ZNF41: variants seen among roughly 807,000 people sequenced by gnomAD.
The protein encoded by ZNF41 is zinc finger protein 41.
In ZNF41, 6 loss-of-function variants were observed where a neutral mutation model predicts 9.3. The observed-to-expected ratio is 0.65, with a 90% CI of 0.35 to 1.28. ZNF41 has a LOEUF of 1.28. Among genes scored for constraint, ZNF41 ranks in the 50% most tolerant of loss-of-function variants. ZNF41 has a pLI of 0.03. For missense variants in ZNF41, 523 were observed against 585.8 expected, an observed-to-expected ratio of 0.89 and a Z score of 1.11; for synonymous variants, 192 against 207.1, an observed-to-expected ratio of 0.93 and a Z score of 0.63.
At chrX:47,459,395 C>T (rs755086279) in intron 2 of ZNF41, among the ~76,000 whole-genome samples, 1 of 109,325 alleles carries the variant, frequency 9.1e-6, no homozygotes, top group African/African-American at 3.3e-5. Context: ...TATACAGTCA[C>T]CTGATTTATG....
At chrX:47,452,779 A>G (rs747657373) in intron 4 of ZNF41, among the ~76,000 whole-genome samples, 1 of 111,579 alleles carries the variant, frequency 9.0e-6, no homozygotes, top group Non-Finnish European at 1.9e-5. Flanking sequence ...TTTAGTAGAG[A>G]CGGGGTTTCA....
intron 4 of ZNF41, among the ~76,000 whole-genome samples, chrX:47,454,334 G>A (rs1295229601): frequency 9.1e-6 from 1 of 110,112 alleles, no homozygotes; most frequent in East Asian, 2.8e-4. Flanking sequence ...CCCTACTGTT[G>A]CATCACGAGG....
intron 1 of ZNF41, among the ~76,000 whole-genome samples, chrX:47,475,007 C>T (rs1290740789): frequency 2.8e-5 from 3 of 106,187 alleles, no homozygotes; most frequent in Non-Finnish European, 5.8e-5. Flanking sequence ...GGTGAAATCC[C>T]GTCTCTACTA....
intron 2 of ZNF41, among the ~76,000 whole-genome samples, chrX:47,464,313 A>T (rs1013442727): frequency 9.1e-6 from 1 of 110,128 alleles, no homozygotes; most frequent in African/African-American, 3.3e-5. Flanking sequence ...GCTATTCTTC[A>T]TCTCTAGTAA....
At chrX:47,478,755 G>A (rs1406961998) in intron 1 of ZNF41, among the ~76,000 whole-genome samples, 1 of 109,665 alleles carries the variant, frequency 9.1e-6, no homozygotes, top group African/African-American at 3.3e-5. Flanking sequence ...AGACCAGCCT[G>A]GCCAATGTCT....
At chrX:47,458,154 C>T (rs1486549560) in intron 2 of ZNF41, among the ~76,000 whole-genome samples, 2 of 111,521 alleles carry the variant, frequency 1.8e-5, no homozygotes, top group East Asian at 2.8e-4. Context: ...ACAGATGAGA[C>T]GAACCAGGAA....
intron 2 of ZNF41, among the ~76,000 whole-genome samples, chrX:47,457,727 C>T (rs2056622941): frequency 8.9e-6 from 1 of 111,981 alleles, no homozygotes; most frequent in Non-Finnish European, 1.9e-5. Flanking sequence ...ATCCCAGCTA[C>T]TCGGGAAGCT....
chrX:47,448,716 G>T lies in ZNF41; in HGVS notation c.1054C>A (p.Gln352Lys). ...CATTCACTGCATTTGTAGGGTTTCT[G>T]CCCGGTATGAATTTTTTGATGTGTA... ...LITHQKIHTG[Q>K]KPYKCSECGK... is the part of the protein sequence containing the mutation. Residue 352 changes from glutamine (Q) to lysine (K), a missense_variant, in exon 5 of 5, where the codon CAG (glutamine) becomes AAG (lysine). By Grantham distance (53) the Gln-to-Lys change is moderately conservative (BLOSUM62 1). Transcript: ENST00000684689. 1 of 1,211,563 alleles carries T rather than the reference G, an allele frequency of 8.3e-7. No individual in the cohort carries two copies. The highest frequency in any genetic ancestry group is 1.1e-6 in the Non-Finnish European group (1 of 895,500).
At chrX:47,455,482 G>A (rs754906757) in intron 4 of ZNF41, among the ~76,000 whole-genome samples, 1 of 109,743 alleles carries the variant, frequency 9.1e-6, no homozygotes, top group Non-Finnish European at 1.9e-5. Flanking sequence ...CTACTTGGGA[G>A]GCTGAGGTGG....
Position 47,449,012 on chromosome X carries a change from C to G in ZNF41, c.758G>C (p.Ser253Thr). 1 of 1,211,587 alleles carries G rather than the reference C, an allele frequency of 8.3e-7. No homozygotes were observed. Among genetic ancestry groups the G allele is most frequent in the Non-Finnish European group, 1.1e-6 (1 of 895,539 alleles). Residue 253 changes from serine (S) to threonine (T), a missense_variant, in exon 5 of 5, where the codon AGC becomes ACC. By Grantham distance (58) the Ser-to-Thr change is moderately conservative. Transcript: ENST00000684689. ...CEHDHYEKHL[S>T]HKQAPTHHQK... Reference sequence around the variant, plus strand: ...ATGGTGGGTGGGAGCTTGTTTGTGGCTGAGATGTTTTTCATAGTGGTCATG... The same window carrying G: ...ATGGTGGGTGGGAGCTTGTTTGTGGGTGAGATGTTTTTCATAGTGGTCATG...
At chrX:47,459,195 C>T (rs2056684523) in intron 2 of ZNF41, among the ~76,000 whole-genome samples, 1 of 106,084 alleles carries the variant, frequency 9.4e-6, no homozygotes. Flanking sequence ...TCTAGAAATA[C>T]AGAAATTACA....
At chrX:47,450,741 C>G (rs1187182590) in intron 4 of ZNF41, among the ~76,000 whole-genome samples, 2 of 111,546 alleles carry the variant, frequency 1.8e-5, no homozygotes, top group Non-Finnish European at 3.8e-5. Flanking sequence ...AGCCTTAAGA[C>G]AGTGGGCAAA....
At chrX:47,463,739 T>G (rs1013390357) in intron 2 of ZNF41, among the ~76,000 whole-genome samples, 3 of 111,452 alleles carry the variant, frequency 2.7e-5, no homozygotes, top group Non-Finnish European at 5.7e-5. Context: ...TTGCTCCAGG[T>G]GTTCCACAGT....
intron 2 of ZNF41, among the ~76,000 whole-genome samples, chrX:47,465,338 T>C (rs1179559076): frequency 8.9e-6 from 1 of 112,000 alleles, no homozygotes; most frequent in Non-Finnish European, 1.9e-5. Context: ...AGGGAATAAG[T>C]TTTTGAGATC....
At chrX:47,478,182 G>C (rs1448256054) in intron 1 of ZNF41, among the ~76,000 whole-genome samples, 2 of 112,149 alleles carry the variant, frequency 1.8e-5, no homozygotes, top group Non-Finnish European at 3.8e-5. Context: ...TGCACCTATA[G>C]TTAACAGTAC....
At chrX:47,457,656 T>A (rs2056619966) in intron 2 of ZNF41, among the ~76,000 whole-genome samples, 2 of 111,529 alleles carry the variant, frequency 1.8e-5, no homozygotes, top group Admixed American at 1.9e-4. Context: ...CTGGCCAACA[T>A]GGCAAAAACC....
At chrX:47,466,771 G>A (rs752316594) in intron 2 of ZNF41, among the ~76,000 whole-genome samples, 26 of 110,755 alleles carry the variant, frequency 2.3e-4, no homozygotes, top group African/African-American at 2.9e-4. Flanking sequence ...CACCCACCTC[G>A]GCCTCCCAAA....
At chrX:47,468,961 C>G (rs5953045) in intron 1 of ZNF41, among the ~76,000 whole-genome samples, 47,023 of 110,214 alleles carry the variant, frequency 0.43, 8,190 homozygotes, top group African/African-American at 0.67. Context: ...GAAGGACTGA[C>G]ATCCAAGAAT....
chrX:47,463,930 T>C (rs1361907732), intron 2 of ZNF41, among the ~76,000 whole-genome samples: 5 of 111,700 alleles, frequency 4.5e-5, no homozygotes, highest in Non-Finnish European at 7.5e-5. Context: ...GGTATCACTG[T>C]CTTTTGCCTG....
Sources: allele counts gnomAD v4.1 joint callset (sites outside exome capture counted in the v4.1 genomes callset), GRCh38; gene constraint gnomAD v4.1.1; transcripts MANE v1.5; gene names NCBI Gene and HGNC (gene_info 2026-07-23, HGNC 2026-07-21).